The following FRMPD4 variants were observed in gnomAD, a reference collection of about 807,000 sequenced individuals.
FRMPD4 encodes the protein FERM and PDZ domain containing 4, also known as FERM and PDZ domain-containing protein 4.
FRMPD4 carries 22 observed loss-of-function variants against 94.1 expected under a neutral mutation model. The observed-to-expected ratio is 0.23, with a 90% CI of 0.17 to 0.33. The LOEUF (loss-of-function observed/expected upper bound fraction) is 0.33. FRMPD4 is among the 10% of genes least tolerant of loss of function. The pLI is 1.00. For missense variants in FRMPD4, 1,111 were observed against 1,339.9 expected, an observed-to-expected ratio of 0.83 and a Z score of 2.67; for synonymous variants, 631 against 548.6, an observed-to-expected ratio of 1.15 and a Z score of -2.10.
intron 1 of FRMPD4, among the ~76,000 whole-genome samples, chrX:12,217,103 T>A (rs2056815964): frequency 8.9e-6 from 1 of 112,200 alleles, no homozygotes; most frequent in Non-Finnish European, 1.9e-5. Flanking sequence ...ATTACAATAT[T>A]TCACACACAA....
At chrX:12,482,628 T>C (rs1368508805) in intron 1 of FRMPD4, among the ~76,000 whole-genome samples, 2 of 112,286 alleles carry the variant, frequency 1.8e-5, no homozygotes, top group Non-Finnish European at 3.8e-5. Context: ...AATAAAATTA[T>C]AACATGAACC....
chrX:11,962,156 C>T (rs1293935650), intron 3 of FRMPD4, among the ~76,000 whole-genome samples: 1 of 112,197 alleles, frequency 8.9e-6, no homozygotes, highest in Non-Finnish European at 1.9e-5. Flanking sequence ...GCAGATTTGC[C>T]TTGATCTTGG....
chrX:12,717,204 G>A, intron 15 of FRMPD4, 71 bp downstream of exon 15: 1 of 699,006 alleles, frequency 1.4e-6, no homozygotes, highest in Non-Finnish European at 2.1e-6. Context: ...ATTTGCCCCT[G>A]GAGTCCTGTT....
At chrX:12,199,209 G>A (rs2056599948) in intron 1 of FRMPD4, among the ~76,000 whole-genome samples, 1 of 107,590 alleles carries the variant, frequency 9.3e-6, no homozygotes, top group Non-Finnish European at 1.9e-5. Context: ...TTCTATAAAA[G>A]TAGACAATTT....
chrX:11,946,364 A>G lies in FRMPD4; in HGVS notation c.95+68346A>G, dbSNP rs189509777. 1.1e-4 allele frequency among the ~76,000 whole-genome samples: 12 copies of G among 111,986 alleles called. No homozygotes were observed. In the East Asian group the frequency reaches 3.1e-3, roughly 29 times the overall value. ...GCCCTCCGTCCTCTAGACACATTGTAGGGTTGCACTTTCCTTCCCTTTTAA... is the reference window on the plus strand; with the variant it reads ...GCCCTCCGTCCTCTAGACACATTGTGGGGTTGCACTTTCCTTCCCTTTTAA... On this transcript the variant is annotated intron_variant, in intron 3 of 18. Transcript: ENST00000640291.
At chrX:11,923,730 C>G (rs1039145400) in intron 3 of FRMPD4, among the ~76,000 whole-genome samples, 4 of 112,348 alleles carry the variant, frequency 3.6e-5, no homozygotes, top group Admixed American at 9.4e-5. Context: ...ATACCACAAA[C>G]CCTCAAGGTC....
intron 3 of FRMPD4, among the ~76,000 whole-genome samples, chrX:12,097,596 A>T (rs1413011240): frequency 8.9e-6 from 1 of 112,303 alleles, no homozygotes; most frequent in Non-Finnish European, 1.9e-5. Flanking sequence ...ATCCAGGTCT[A>T]GCTAATCTAC....
chrX:12,305,873 A>G (rs2054932985), intron 1 of FRMPD4, among the ~76,000 whole-genome samples: 1 of 107,051 alleles, frequency 9.3e-6, no homozygotes, highest in African/African-American at 3.4e-5. Context: ...AGCTTCCATA[A>G]TTGTTTTTAG....
chrX:11,836,036 T>C (rs2053499652), intron 1 of FRMPD4, among the ~76,000 whole-genome samples: 1 of 111,599 alleles, frequency 9.0e-6, no homozygotes, highest in Admixed American at 9.6e-5. Flanking sequence ...ACAGTATACA[T>C]GTATTACTAG....
At chrX:12,167,996 T>C (rs2147638601) in intron 1 of FRMPD4, among the ~76,000 whole-genome samples, 1 of 110,315 alleles carries the variant, frequency 9.1e-6, no homozygotes, top group African/African-American at 3.3e-5. Flanking sequence ...GACATCATTT[T>C]TGGCTGTCAC....
chrX:12,704,497 C>A lies in FRMPD4; in HGVS notation c.1197+12C>A. 8.7e-7 allele frequency: 1 copy of A among 1,152,978 alleles called. No homozygotes were observed. The highest frequency in any genetic ancestry group is 1.2e-6 in the Non-Finnish European group (1 of 860,370). ...CACCGGGTAAAAAGGTATCACATTT[C>A]CATCTTAAAAGAAAATTATAAAGAG... is the stretch of plus-strand genomic sequence containing the variant. On this transcript the variant is annotated intron_variant, in intron 11 of 16. Transcript: ENST00000675598.
chrX:12,192,689 C>T (rs2056505537), intron 1 of FRMPD4, among the ~76,000 whole-genome samples: 1 of 111,563 alleles, frequency 9.0e-6, no homozygotes, highest in African/African-American at 3.3e-5. Flanking sequence ...ACAGTGATTC[C>T]CAAATGGTAG....
At chrX:12,319,253 G>A (rs745329078) in intron 1 of FRMPD4, among the ~76,000 whole-genome samples, 7 of 112,209 alleles carry the variant, frequency 6.2e-5, no homozygotes, top group African/African-American at 1.9e-4. Flanking sequence ...TAATGCCACC[G>A]TGGAAAAGAG....
rs5935321 is a variant in FRMPD4 at position 12,397,553 on chromosome X, T to C, written c.42-101127T>C. Among the ~76,000 whole-genome samples the C allele has an allele frequency of 7.4e-4, 82 of 111,103 alleles. No individual in the cohort carries two copies. The South Asian group carries it at 8.2e-3, about 11-fold the overall frequency. On this transcript the variant is annotated intron_variant, in intron 1 of 16. Coordinates refer to ENST00000675598, the MANE Select transcript of FRMPD4 (RefSeq NM_001368397.1). ...TGTAGCGAGGATGTGAAAAACACTT[T>C]GTCTCAGAATGATGGATGTTTTTGT...
At chrX:12,331,820 A>ATATATAAATTATATATATTTATATACAG (rs2055402728) in intron 1 of FRMPD4, among the ~76,000 whole-genome samples, 1 of 20,199 alleles carries the variant, frequency 5.0e-5, no homozygotes, top group Non-Finnish European at 8.2e-5. Context: ...TTTATATACT[A>ATATATAAATTATATATATTTATATACAG]TATATAAATT....
At chrX:12,302,027 A>G (rs746521682) in intron 1 of FRMPD4, among the ~76,000 whole-genome samples, 53 of 112,148 alleles carry the variant, frequency 4.7e-4, no homozygotes, top group Non-Finnish European at 9.4e-4. Flanking sequence ...AGAAACCAAA[A>G]TGGAAGCAGC....
At chrX:12,156,825 CT>C (rs1209060720) in intron 1 of FRMPD4, among the ~76,000 whole-genome samples, 1 of 112,033 alleles carries the variant, frequency 8.9e-6, no homozygotes, top group African/African-American at 3.2e-5. Context: ...TCATGCATTT[CT>C]TCTTCCTAAG....
rs780795485 is a variant in FRMPD4, at chrX:12,717,142, A to G, written c.2674+9A>G. On this transcript the variant is annotated intron_variant, in intron 15 of 16. Coordinates refer to ENST00000675598, the MANE Select transcript of FRMPD4 (RefSeq NM_001368397.1). ...GACCAGTGACAATTCAGGTTCTTTC[A>G]CAATTGTTACATTCATTCACTGATA... 1.9e-6 allele frequency: 2 copies of G among 1,058,374 alleles called. No homozygotes were observed. Among genetic ancestry groups the G allele is most frequent in the African/African-American group, 3.7e-5 (2 of 54,078 alleles). 87.2% of individuals were successfully genotyped at this position (1,058,374 alleles called of 1,213,427 possible).
intron 1 of FRMPD4, among the ~76,000 whole-genome samples, chrX:12,485,566 C>T (rs781508941): frequency 9.1e-4 from 101 of 111,529 alleles, no homozygotes; most frequent in African/African-American, 3.0e-3. Context: ...AAATGCTTAA[C>T]CCAGGAGTCT....
Sources: gnomAD v4.1 joint callset for allele counts (sites outside exome capture counted in the v4.1 genomes callset) on GRCh38, gnomAD v4.1.1 for gene constraint, MANE v1.5 for transcripts, NCBI Gene and HGNC (gene_info 2026-07-23, HGNC 2026-07-21) for gene names.